The following RBMS3 variants were observed in gnomAD, a reference collection of about 807,000 sequenced individuals.
RBMS3 encodes the protein RNA-binding motif, single-stranded-interacting protein 3.
A neutral mutation model predicts 66.8 loss-of-function variants in RBMS3; 27 were observed. The observed-to-expected ratio is 0.40, with a 90% CI of 0.30 to 0.56. RBMS3 has a LOEUF of 0.56. Among genes scored for constraint, RBMS3 ranks in the 20% least tolerant of loss-of-function variants. The pLI is 0.40. For missense variants in RBMS3, 513 were observed against 549.5 expected (o/e 0.93, Z 0.66); for synonymous variants, 188 against 183.0 (o/e 1.03, Z -0.22).
intron 2 of RBMS3, among the ~76,000 whole-genome samples, chr3:29,479,060 G>A (rs551156661): frequency 6.6e-6 from 1 of 152,152 alleles, no homozygotes; most frequent in East Asian, 1.9e-4. Flanking sequence ...TGAAATCAAA[G>A]AAAGAGTAAG....
intron 4 of RBMS3, among the ~76,000 whole-genome samples, chr3:29,719,841 TC>T (rs549586093): frequency 2.2e-4 from 33 of 152,286 alleles, no homozygotes; most frequent in African/African-American, 7.9e-4. Flanking sequence ...CACTAATATA[TC>T]CAGAAGGACT....
chr3:29,593,782 T>C (rs1048560755), intron 4 of RBMS3, among the ~76,000 whole-genome samples: 4 of 152,246 alleles, frequency 2.6e-5, no homozygotes, highest in African/African-American at 9.6e-5. Flanking sequence ...AGGATTGTTC[T>C]ACATGCTACA....
At chr3:29,793,657 A>C (rs1338034506) in intron 6 of RBMS3, among the ~76,000 whole-genome samples, 1 of 152,220 alleles carries the variant, frequency 6.6e-6, no homozygotes, top group Non-Finnish European at 1.5e-5. Flanking sequence ...TGTATCTTTA[A>C]CTAAGCTGGT....
intron 1 of RBMS3, among the ~76,000 whole-genome samples, chr3:29,346,149 C>T (rs926984214): frequency 6.6e-6 from 1 of 152,104 alleles, no homozygotes; most frequent in Non-Finnish European, 1.5e-5. Flanking sequence ...TGACATAAGA[C>T]AGTTCTCAAT....
intron 6 of RBMS3, among the ~76,000 whole-genome samples, chr3:29,858,242 T>G (rs566779871): frequency 6.6e-6 from 1 of 152,324 alleles, no homozygotes; most frequent in Admixed American, 6.5e-5. Flanking sequence ...GTATCTGCAC[T>G]GTAAGATTAT....
At position 29,474,025 on chromosome 3, in the gene RBMS3, G is replaced by A. The variant is rs948235084; in HGVS notation, c.249-14416G>A. On this transcript the variant is annotated intron_variant, in intron 2 of 14. Transcript: ENST00000383767. Reference sequence around the variant, plus strand: ...TCCAGGCAGAGGAGAGGCCGAGAGCGAGCAAGGGCTGCGAGGGCTGCCAGC... The same window carrying A: ...TCCAGGCAGAGGAGAGGCCGAGAGCAAGCAAGGGCTGCGAGGGCTGCCAGC... Among the ~76,000 whole-genome samples, 16 of 152,364 alleles carry A rather than the reference G, an allele frequency of 1.1e-4. No individual in the cohort carries two copies. In the East Asian group the frequency reaches 2.1e-3, roughly 20 times the overall value.
At chr3:29,692,661 T>G (rs1030994) in intron 4 of RBMS3, among the ~76,000 whole-genome samples, 69,202 of 151,628 alleles carry the variant, frequency 0.46, 16,581 homozygotes, top group South Asian at 0.55. Context: ...TCTCCCATCA[T>G]TTATCCTCAT....
At chr3:29,321,936 T>C (rs2035031729) in intron 1 of RBMS3, among the ~76,000 whole-genome samples, 1 of 151,636 alleles carries the variant, frequency 6.6e-6, no homozygotes, top group South Asian at 2.1e-4. Context: ...TAGTGTGTTA[T>C]TTAATTCAAT....
intron 12 of RBMS3, among the ~76,000 whole-genome samples, chr3:29,955,393 CAT>C (rs758235845): frequency 7.9e-5 from 12 of 151,948 alleles, no homozygotes; most frequent in Non-Finnish European, 1.8e-4. Flanking sequence ...TTTTAAGAAA[CAT>C]AACAATTTCA....
chr3:29,482,495 T>A (rs1445110543), intron 2 of RBMS3, among the ~76,000 whole-genome samples: 2 of 152,116 alleles, frequency 1.3e-5, no homozygotes, highest in Non-Finnish European at 2.9e-5. Context: ...AACTACTACT[T>A]AGCAACTAGT....
intron 4 of RBMS3, among the ~76,000 whole-genome samples, chr3:29,699,697 T>A (rs528968147): frequency 6.6e-6 from 1 of 152,202 alleles, no homozygotes; most frequent in Non-Finnish European, 1.5e-5. Flanking sequence ...CCGCATAGTA[T>A]GGTAATATTA....
At chr3:29,478,812 C>T (rs1293143414) in intron 2 of RBMS3, among the ~76,000 whole-genome samples, 1 of 152,158 alleles carries the variant, frequency 6.6e-6, no homozygotes, top group Non-Finnish European at 1.5e-5. Flanking sequence ...CTAGAATGTG[C>T]TACATATTGT....
chr3:29,829,265 G>A (rs969437439), intron 6 of RBMS3, among the ~76,000 whole-genome samples: 2 of 151,994 alleles, frequency 1.3e-5, no homozygotes, highest in South Asian at 4.1e-4. Context: ...GGCTGGTCTT[G>A]AACTCATGAC....
intron 1 of RBMS3, among the ~76,000 whole-genome samples, chr3:29,306,130 T>C (rs1463447211): frequency 6.6e-6 from 1 of 151,986 alleles, no homozygotes; most frequent in Non-Finnish European, 1.5e-5. Flanking sequence ...TATTTGATTT[T>C]GCATGTACGG....
chr3:29,751,809 T>C (rs965467190), intron 5 of RBMS3, among the ~76,000 whole-genome samples: 4 of 152,048 alleles, frequency 2.6e-5, no homozygotes, highest in African/African-American at 9.7e-5. Flanking sequence ...TCAAACCCCT[T>C]GTGGGAGGGT....
intron 3 of RBMS3, among the ~76,000 whole-genome samples, chr3:29,493,351 G>A (rs953234061): frequency 6.6e-6 from 1 of 152,138 alleles, no homozygotes; most frequent in Non-Finnish European, 1.5e-5. Flanking sequence ...CTGCCTCTTC[G>A]CTTAGTAGCT....
At chr3:29,638,856 A>T (rs147000039) in intron 4 of RBMS3, among the ~76,000 whole-genome samples, 74 of 151,982 alleles carry the variant, frequency 4.9e-4, no homozygotes, top group East Asian at 1.4e-3. Flanking sequence ...TTTGTTGTTG[A>T]TCAGACATTG....
At chr3:29,639,405 C>T (rs139652895) in intron 4 of RBMS3, among the ~76,000 whole-genome samples, 37 of 151,862 alleles carry the variant, frequency 2.4e-4, no homozygotes, top group African/African-American at 8.4e-4. Flanking sequence ...TTTATAAACA[C>T]GCCTAGTGAT....
chr3:29,702,162 G>T (rs1031460209), intron 4 of RBMS3, among the ~76,000 whole-genome samples: 4 of 151,990 alleles, frequency 2.6e-5, no homozygotes, highest in Non-Finnish European at 4.4e-5. Context: ...TGTGTGTCTA[G>T]CTAATCTAGT....
Sources: allele counts gnomAD v4.1 joint callset (sites outside exome capture counted in the v4.1 genomes callset), GRCh38; gene constraint gnomAD v4.1.1; transcripts MANE v1.5; gene names NCBI Gene and HGNC (gene_info 2026-07-23, HGNC 2026-07-21).